Variants in ZNF518A observed in about 807,000 individuals in gnomAD.
The protein encoded by ZNF518A is zinc finger protein 518.
Under a neutral mutation model 102.7 loss-of-function variants are expected in ZNF518A, and 47 were observed. That is an observed-to-expected ratio of 0.46 (90% CI 0.36 to 0.58). ZNF518A has a LOEUF of 0.58. ZNF518A is among the 20% of genes least tolerant of loss of function. The pLI, the probability that ZNF518A is intolerant of heterozygous loss-of-function variation, is 0.00. For synonymous variants in ZNF518A, 652 were observed against 594.6 expected, an observed-to-expected ratio of 1.10 and a Z score of -1.40; for missense variants, 1,793 against 1,699.8, an observed-to-expected ratio of 1.05 and a Z score of -0.96.
Position 96,158,044 on chromosome 10 carries a change from T to G in ZNF518A, c.1722T>G (p.Asp574Glu), listed in dbSNP as rs1313669214. 6.2e-7 allele frequency: 1 copy of G among 1,613,672 alleles called. No homozygotes were observed. The highest frequency in any genetic ancestry group is 8.5e-7 in the Non-Finnish European group (1 of 1,179,806). Residue 574 changes from aspartate to glutamate, a missense_variant, in exon 6 of 6, where the codon GAT (aspartate) becomes GAG (glutamate). Physicochemically the swap from Asp to Glu is conservative, Grantham distance 45. This residue lies in a region of ZNF518A where 1,741 missense variants were observed against 1,622.6 expected (regional missense o/e 1.07). Transcript: ENST00000316045. ...VNLTTKFETR[D>E]NVDFWGNHLT... ...TGACCACAAAATTTGAAACAAGAGA[T>G]AATGTTGACTTCTGGGGAAATCATC... is the stretch of plus-strand genomic sequence containing the variant.
rs781838622 is a variant in ZNF518A at position 96,158,309 on chromosome 10, C to A, written c.1987C>A (p.Pro663Thr). Residue 663 changes from proline (P) to threonine (T), a missense_variant, in exon 6 of 6, where the codon CCT (proline) becomes ACT (threonine). Pro to Thr is a conservative substitution (Grantham distance 38). Around this residue, in one of 3 missense-constraint regions of ZNF518A, gnomAD observed 1,741 missense variants for 1,622.6 expected, o/e 1.07. Transcript: ENST00000316045. ...TTCAGGAACAGCAGTGTATGAAAAC[C>A]CTCAAAGAGAATCTTCATCCAGCAA... Reference protein sequence around the residue: ...RFSGTAVYENPQRESSSSKTV... With the variant: ...RFSGTAVYENTQRESSSSKTV... The A allele has an allele frequency of 1.9e-6, 3 of 1,613,532 alleles. No individual in the cohort carries two copies. The East Asian group carries it at 6.7e-5, about 36-fold the overall frequency.
intron 1 of ZNF518A, among the ~76,000 whole-genome samples, chr10:96,181,397 GT>G (rs1324541772): frequency 1.3e-5 from 2 of 152,130 alleles, no homozygotes; most frequent in African/African-American, 4.8e-5. Context: ...TGCTTTTGGT[GT>G]TTTAGTCATG....
At chr10:96,174,468 A>G (rs1382636989) in intron 1 of ZNF518A, among the ~76,000 whole-genome samples, 1 of 152,170 alleles carries the variant, frequency 6.6e-6, no homozygotes, top group East Asian at 1.9e-4. Flanking sequence ...ACAGAATGAA[A>G]GAGTGGACAA....
chr10:96,200,315 A>G lies in ZNF518A; in HGVS notation n.36-3259A>G, dbSNP rs1554895790. 6.6e-6 allele frequency among the ~76,000 whole-genome samples: 1 copy of G among 152,114 alleles called. No individual in the cohort carries two copies. The highest frequency in any genetic ancestry group is 1.5e-5 in the Non-Finnish European group (1 of 68,018). ...TTTTATTTTTCCTTTGATCAAACAC[A>G]AGGATTATACCGTTAACTTGTTTTT... On this transcript the variant is annotated intron_variant and non_coding_transcript_variant, in intron 1 of 2. Coordinates refer to the ZNF518A transcript ENST00000442635. This position sits in a 1 kb window ranked among gnomAD's most constrained non-coding sequence, Gnocchi z 4.3.
exon 3 of ZNF518A, chr10:96,203,947 A>G: frequency 1.2e-6 from 1 of 828,624 alleles, no homozygotes; most frequent in South Asian, 1.6e-5. Flanking sequence ...AGAAGATGCC[A>G]GGATAACGCA....
chr10:96,158,069 C>T lies in ZNF518A; in HGVS notation c.1747C>T (p.Leu583Phe). 1 of 1,613,680 alleles carries T rather than the reference C, an allele frequency of 6.2e-7. No homozygotes were observed. The highest frequency in any genetic ancestry group is 8.5e-7 in the Non-Finnish European group (1 of 1,179,750). ...TAATGTTGACTTCTGGGGAAATCAT[C>T]TCACTCAGAGTCACCCCGAGGTATT... is the stretch of plus-strand genomic sequence containing the variant. ...RDNVDFWGNH[L>F]TQSHPEVLGT... Residue 583 changes from leucine to phenylalanine, a missense_variant, in exon 6 of 6, where the codon CTC becomes TTC. By Grantham distance (22) the Leu-to-Phe change is conservative. Coordinates refer to ENST00000316045, the MANE Select transcript of ZNF518A (RefSeq NM_001330736.2).
chr10:96,197,785 G>A (rs587707283), intron 1 of ZNF518A, among the ~76,000 whole-genome samples: 48 of 151,756 alleles, frequency 3.2e-4, no homozygotes, highest in Admixed American at 1.5e-3. Context: ...GCATAGTGGC[G>A]GGCACCTGTA....
chr10:96,176,421 C>T (rs1591275654), intron 1 of ZNF518A, among the ~76,000 whole-genome samples: 1 of 152,210 alleles, frequency 6.6e-6, no homozygotes, highest in Non-Finnish European at 1.5e-5. Context: ...ACCTAAAGGT[C>T]CAAGAAGCTA....
Position 96,162,002 on chromosome 10 carries a change from A to C in ZNF518A, c.*1228A>C, listed in dbSNP as rs1038514805. On this transcript the variant is annotated 3_prime_UTR_variant, in exon 6 of 6. Transcript: ENST00000316045. ...ATAGATTTAGATTTTTCACCTTGTA[A>C]GTTTGGATCAAATTTTGCTGGTTCT... 1.2e-5 allele frequency: 2 copies of C among 167,060 alleles called. No individual in the cohort carries two copies. Among genetic ancestry groups the C allele is most frequent in the Middle Eastern group, 3.4e-3 (1 of 296 alleles). 10.3% of individuals were successfully genotyped at this position (167,060 alleles called of 1,614,324 possible).
chr10:96,175,308 C>T (rs1180448145), intron 1 of ZNF518A, among the ~76,000 whole-genome samples: 1 of 152,202 alleles, frequency 6.6e-6, no homozygotes, highest in African/African-American at 2.4e-5. Flanking sequence ...TGGGCCACCA[C>T]TTTGTACTTG....
intron 1 of ZNF518A, among the ~76,000 whole-genome samples, chr10:96,170,457 A>C (rs143118350): frequency 0.012 from 1,801 of 152,282 alleles, 16 homozygotes; most frequent in Non-Finnish European, 0.019. Context: ...TTCCTCTAGT[A>C]CTGGGAATGA....
chr10:96,195,197 C>G (rs1404646312), intron 1 of ZNF518A, among the ~76,000 whole-genome samples: 9 of 152,166 alleles, frequency 5.9e-5, no homozygotes, highest in African/African-American at 1.9e-4. Flanking sequence ...GTTAAACCCT[C>G]GTGTGCTGTT....
intron 3 of ZNF518A, among the ~76,000 whole-genome samples, chr10:96,144,770 T>G (rs2082092560): frequency 6.6e-6 from 1 of 152,106 alleles, no homozygotes; most frequent in Non-Finnish European, 1.5e-5. Context: ...CCAATCCATT[T>G]TACAAATCCT....
chr10:96,174,872 T>A (rs2083194187), intron 1 of ZNF518A, among the ~76,000 whole-genome samples: 1 of 152,168 alleles, frequency 6.6e-6, no homozygotes, highest in African/African-American at 2.4e-5. Flanking sequence ...CCAATTAGGA[T>A]GTGGGGCCTT....
chr10:96,146,988 A>G (rs1451905338), intron 3 of ZNF518A, among the ~76,000 whole-genome samples: 1 of 152,202 alleles, frequency 6.6e-6, no homozygotes, highest in Non-Finnish European at 1.5e-5. Flanking sequence ...GGGGAAGTCT[A>G]GGTAAATCAT....
chr10:96,175,620 A>G (rs10882736), intron 1 of ZNF518A, among the ~76,000 whole-genome samples: 128,975 of 152,088 alleles, frequency 0.85, 55,537 homozygotes, highest in Non-Finnish European at 0.93. Context: ...AGTGGAAGCC[A>G]CATTGGTTAT....
chr10:96,151,006 G>A (rs1239902954), intron 3 of ZNF518A, among the ~76,000 whole-genome samples: 1 of 151,972 alleles, frequency 6.6e-6, no homozygotes, highest in Non-Finnish European at 1.5e-5. Context: ...GCCCCCCTCG[G>A]CCTCCCAAAG....
At chr10:96,175,144 C>T (rs1339601533) in intron 1 of ZNF518A, among the ~76,000 whole-genome samples, 2 of 152,150 alleles carry the variant, frequency 1.3e-5, no homozygotes, top group East Asian at 3.8e-4. Context: ...TTTGTTATAG[C>T]ACCCAGAGCT....
In ZNF518A at chr10:96,160,399, A is replaced by C. The variant is rs1554887221; in HGVS notation, c.4077A>C (p.Glu1359Asp). Residue 1359 changes from glutamate to aspartate, a missense_variant, in exon 6 of 6, where the codon GAA becomes GAC. Glu to Asp is a conservative substitution (Grantham distance 45). This residue lies in a region of ZNF518A where 1,741 missense variants were observed against 1,622.6 expected (regional missense o/e 1.07). Transcript: ENST00000316045. ...ATCATCCTGACGCAGATGCACCAGA[A>C]GTAGTAAGTGTAATGAAAACTATTG... ...VLNHPDADAP[E>D]VVSVMKTIAK... The C allele has an allele frequency of 1.2e-6, 2 of 1,613,368 alleles. No homozygotes were observed. The highest frequency in any genetic ancestry group is 3.3e-5 in the Admixed American group (2 of 59,960).
Sources: gnomAD v4.1 joint callset for allele counts (sites outside exome capture counted in the v4.1 genomes callset) on GRCh38, gnomAD v4.1.1 for gene constraint, gnomAD v4.1.1 regional missense constraint, Gnocchi (gnomAD v3.1) non-coding constraint, MANE v1.5 for transcripts, NCBI Gene and HGNC (gene_info 2026-07-23, HGNC 2026-07-21) for gene names.